The following GSK3B variants were observed in gnomAD, a reference collection of about 807,000 sequenced individuals.
GSK3B encodes glycogen synthase kinase 3 beta, also known as glycogen synthase kinase-3 beta.
A neutral mutation model predicts 56.4 loss-of-function variants in GSK3B; 15 were observed. The observed-to-expected ratio is 0.27, with a 90% CI of 0.18 to 0.41. The LOEUF (loss-of-function observed/expected upper bound fraction) is 0.41. Among genes scored for constraint, GSK3B ranks in the 10% least tolerant of loss-of-function variants. The pLI is 1.00. For synonymous variants in GSK3B, 181 were observed against 188.9 expected (o/e 0.96, Z 0.34); for missense variants, 300 against 513.4 (o/e 0.58, Z 4.02).
intron 1 of GSK3B, among the ~76,000 whole-genome samples, chr3:120,046,081 T>C (rs1425255028): frequency 1.5e-5 from 2 of 130,514 alleles, no homozygotes; most frequent in Non-Finnish European, 3.1e-5. Flanking sequence ...TGGGAGGAGG[T>C]GGATGGGAGG....
At chr3:119,993,685 A>G (rs941688037) in intron 2 of GSK3B, among the ~76,000 whole-genome samples, 49 of 152,328 alleles carry the variant, frequency 3.2e-4, no homozygotes, top group African/African-American at 1.2e-3. Context: ...GGAGTTACAA[A>G]TATAGAAATA....
intron 10 of GSK3B, among the ~76,000 whole-genome samples, chr3:119,828,032 G>T (rs2055542745): frequency 6.6e-6 from 1 of 151,826 alleles, no homozygotes; most frequent in African/African-American, 2.4e-5. Context: ...ACCCTGATAT[G>T]ATTATTACAC....
chr3:119,954,257 T>C (rs1381062969), intron 2 of GSK3B, among the ~76,000 whole-genome samples: 2 of 141,254 alleles, frequency 1.4e-5, no homozygotes, highest in Non-Finnish European at 3.1e-5. Flanking sequence ...TAGAATAGAA[T>C]AGAATAGAAT....
chr3:120,047,429 G>A (rs1040038851), intron 1 of GSK3B, among the ~76,000 whole-genome samples: 3 of 152,020 alleles, frequency 2.0e-5, no homozygotes, highest in African/African-American at 7.2e-5. Context: ...AACCAAAGAC[G>A]AACACACACT....
At chr3:120,070,079 G>A (rs144582883) in intron 1 of GSK3B, among the ~76,000 whole-genome samples, 1 of 152,112 alleles carries the variant, frequency 6.6e-6, no homozygotes, top group African/African-American at 2.4e-5. Context: ...TGGGTGTGGT[G>A]GTGTGTGCCT....
chr3:119,861,052 C>G (rs376810393), intron 9 of GSK3B, among the ~76,000 whole-genome samples: 2 of 152,172 alleles, frequency 1.3e-5, no homozygotes, highest in African/African-American at 2.4e-5. Flanking sequence ...CCTTGGATTA[C>G]CCAGTTTTAT....
chr3:119,928,738 A>G (rs1399449652), intron 3 of GSK3B, among the ~76,000 whole-genome samples: 4 of 151,960 alleles, frequency 2.6e-5, no homozygotes, highest in Admixed American at 6.6e-5. Context: ...TAAGATTAGC[A>G]TGAGTCACAT....
chr3:120,022,376 TG>T (rs2057886542), intron 1 of GSK3B, among the ~76,000 whole-genome samples: 1 of 152,184 alleles, frequency 6.6e-6, no homozygotes, highest in African/African-American at 2.4e-5. Context: ...CCAAAAAAAT[TG>T]TGTGATGTGC....
At chr3:119,970,101 T>C (rs532711069) in intron 2 of GSK3B, among the ~76,000 whole-genome samples, 1 of 152,370 alleles carries the variant, frequency 6.6e-6, no homozygotes, top group South Asian at 2.1e-4. Context: ...TGTCATATTA[T>C]TGTTGTTAAT....
chr3:120,033,892 T>C (rs1024476673), intron 1 of GSK3B, among the ~76,000 whole-genome samples: 4 of 152,204 alleles, frequency 2.6e-5, no homozygotes, highest in Non-Finnish European at 5.9e-5. Flanking sequence ...ATGCTTCCTA[T>C]ACAGCCTTTG....
intron 10 of GSK3B, among the ~76,000 whole-genome samples, chr3:119,837,063 G>A (rs2055702103): frequency 1.3e-5 from 2 of 152,208 alleles, no homozygotes; most frequent in Admixed American, 1.3e-4. Context: ...CTTTTACATG[G>A]AAGGATCTGG....
At chr3:119,865,466 A>ATT (rs779477802) in intron 8 of GSK3B, among the ~76,000 whole-genome samples, 360 of 34,102 alleles carry the variant, frequency 0.011, 30 homozygotes, top group Non-Finnish European at 0.015. Flanking sequence ...ATATATATAT[A>ATT]TTTTTTTTTT....
chr3:119,923,565 T>C, intron 3 of GSK3B, 82 bp from the exon 4 acceptor site: 1 of 580,918 alleles, frequency 1.7e-6, no homozygotes, highest in Non-Finnish European at 3.0e-6. Flanking sequence ...GTAAATTCTC[T>C]AGATATTTAC....
At chr3:120,085,889 G>A (rs2058459836) in intron 1 of GSK3B, among the ~76,000 whole-genome samples, 1 of 151,920 alleles carries the variant, frequency 6.6e-6, no homozygotes. Context: ...CCTTTCCTTG[G>A]AAAAAAACCT....
At chr3:120,044,370 A>G (rs2058086385) in intron 1 of GSK3B, among the ~76,000 whole-genome samples, 1 of 152,094 alleles carries the variant, frequency 6.6e-6, no homozygotes, top group South Asian at 2.1e-4. Context: ...TTGAGCAGGT[A>G]TATGATGGTA....
rs751790636 is a variant in GSK3B at position 119,971,601 on chromosome 3, A to ATTTTTTTTTTTTTTTT, written c.283-24266_283-24251dup. Among the ~76,000 whole-genome samples the ATTTTTTTTTTTTTTTT allele has an allele frequency of 4.8e-5, 4 of 83,842 alleles. 1 individual carries two copies. The highest frequency in any genetic ancestry group is 6.5e-5 in the Non-Finnish European group (3 of 46,474). The allele number at this position is 83,842 out of a possible 152,430, so 55.0% of individuals were successfully genotyped here. A position where few individuals can be genotyped will look rare whatever the true frequency, so the allele number is the denominator to read the frequency against. ...ATTGATACTTAAACTATTTGCAATA[A>ATTTTTTTTTTTTTTTT]TTTTTTTTTTTTTTTTTTTTTTTTT... On this transcript the variant is annotated intron_variant, in intron 2 of 10. Transcript: ENST00000264235.
intron 8 of GSK3B, among the ~76,000 whole-genome samples, chr3:119,872,130 A>G (rs1316159263): frequency 2.0e-5 from 3 of 152,116 alleles, no homozygotes; most frequent in Non-Finnish European, 2.9e-5. Context: ...AAAATCCCTA[A>G]TCAACCCTAA....
At chr3:119,924,512 A>C (rs1339990155) in intron 3 of GSK3B, among the ~76,000 whole-genome samples, 1 of 151,984 alleles carries the variant, frequency 6.6e-6, no homozygotes, top group East Asian at 1.9e-4. Flanking sequence ...ATGACATCTA[A>C]ACTGTGTATA....
chr3:120,006,340 T>C (rs1306382193), intron 1 of GSK3B, among the ~76,000 whole-genome samples: 1 of 152,094 alleles, frequency 6.6e-6, no homozygotes, highest in Admixed American at 6.6e-5. Context: ...CCACTGTCAA[T>C]ATTAGACAGA....
Sources: gnomAD v4.1 joint callset for allele counts (sites outside exome capture counted in the v4.1 genomes callset) on GRCh38, gnomAD v4.1.1 for gene constraint, MANE v1.5 for transcripts, NCBI Gene and HGNC (gene_info 2026-07-23, HGNC 2026-07-21) for gene names.